N4BP1: variants seen among roughly 807,000 people sequenced by gnomAD.
The protein encoded by N4BP1 is NEDD4-binding protein 1.
A neutral mutation model predicts 70.9 loss-of-function variants in N4BP1; 21 were observed. The ratio of observed to expected loss-of-function variants is 0.30; its 90% CI spans 0.21 to 0.43. The LOEUF is 0.43. Among genes scored for constraint, N4BP1 ranks in the 20% least tolerant of loss-of-function variants. The pLI is 1.00. For missense variants in N4BP1, 936 were observed against 1,069.4 expected (o/e 0.88, Z 1.74); for synonymous variants, 387 against 394.6 (o/e 0.98, Z 0.23).
intron 1 of N4BP1, among the ~76,000 whole-genome samples, chr16:48,606,165 C>A (rs902983991): frequency 3.9e-5 from 6 of 152,144 alleles, no homozygotes; most frequent in African/African-American, 1.2e-4. Context: ...GTGGCCCCAC[C>A]AGTCAATAGG....
chr16:48,565,806 T>C (rs755998267), intron 1 of N4BP1, among the ~76,000 whole-genome samples: 27 of 152,348 alleles, frequency 1.8e-4, no homozygotes, highest in Non-Finnish European at 3.1e-4. Context: ...ATTTCCTTAA[T>C]AGACAATTTT....
At chr16:48,550,479 C>T (rs1273427424) in intron 4 of N4BP1, among the ~76,000 whole-genome samples, 1 of 152,084 alleles carries the variant, frequency 6.6e-6, no homozygotes, top group Non-Finnish European at 1.5e-5. Context: ...TGTACCATTG[C>T]ACTCCAGCCT....
In N4BP1 at chr16:48,543,341, G is replaced by A. The variant is rs562468140; in HGVS notation, c.2334-80C>T. The A allele has an allele frequency of 4.0e-5, 48 of 1,214,932 alleles. No homozygotes were observed. The South Asian group carries it at 6.2e-4, about 16-fold the overall frequency. 75.3% of individuals were successfully genotyped at this position (1,214,932 alleles called of 1,614,324 possible). ...AGAGCTATTTTAGAAGGTACCTGCG[G>A]CAGGCCTTGAGGCTCAGGATGCCGC... On this transcript the variant is annotated intron_variant, in intron 6 of 6. Coordinates refer to ENST00000262384, the MANE Select transcript of N4BP1 (RefSeq NM_153029.4).
At chr16:48,545,941 C>T (rs28593068) in intron 6 of N4BP1, among the ~76,000 whole-genome samples, 2,319 of 151,520 alleles carry the variant, frequency 0.015, 46 homozygotes, top group African/African-American at 0.052. Flanking sequence ...GTGGGAGGAT[C>T]GCTGAAGCCC....
At chr16:48,550,941 A>G (rs984854747) in intron 4 of N4BP1, among the ~76,000 whole-genome samples, 12 of 152,090 alleles carry the variant, frequency 7.9e-5, no homozygotes, top group Admixed American at 7.2e-4. Context: ...AAAGAAAGAA[A>G]AGAAATGCAG....
chr16:48,564,289 A>G (rs1179063094), intron 1 of N4BP1, among the ~76,000 whole-genome samples: 1 of 152,188 alleles, frequency 6.6e-6, no homozygotes, highest in Non-Finnish European at 1.5e-5. Context: ...GACCTCTCCA[A>G]TGTTATCGTC....
chr16:48,590,509 A>G (rs1597109466), intron 1 of N4BP1, among the ~76,000 whole-genome samples: 1 of 152,160 alleles, frequency 6.6e-6, no homozygotes, highest in South Asian at 2.1e-4. Flanking sequence ...AGGCTTGTCC[A>G]GGATTGCTCT....
At chr16:48,602,334 T>C (rs1180686020) in intron 1 of N4BP1, among the ~76,000 whole-genome samples, 1 of 152,236 alleles carries the variant, frequency 6.6e-6, no homozygotes, top group Non-Finnish European at 1.5e-5. Context: ...AATTTTGTTC[T>C]TGAAACTCAA....
At position 48,560,962 on chromosome 16, in the gene N4BP1, G is replaced by A; in HGVS notation, c.1681C>T (p.Leu561Phe). The A allele has an allele frequency of 1.2e-6, 2 of 1,614,028 alleles. No homozygotes were observed. Among genetic ancestry groups the A allele is most frequent in the Non-Finnish European group, 1.7e-6 (2 of 1,179,890 alleles). Residue 561 changes from leucine (L) to phenylalanine (F), a missense_variant, in exon 2 of 7, where the codon CTT (leucine) becomes TTT (phenylalanine). Coordinates refer to ENST00000262384, the MANE Select transcript of N4BP1 (RefSeq NM_153029.4). Reference protein sequence around the residue: ...SPHSKPNCSTLSPPMPLPQLL... With the variant: ...SPHSKPNCSTFSPPMPLPQLL... ...TGGGGCAGTGGCATTGGTGGAGAAA[G>A]GGTTGAGCAATTTGGCTTAGAATGA...
chr16:48,577,039 A>T (rs1053441026), intron 1 of N4BP1, among the ~76,000 whole-genome samples: 1 of 152,204 alleles, frequency 6.6e-6, no homozygotes. Flanking sequence ...GCTATGATTA[A>T]AGGTGTAAGC....
chr16:48,606,212 A>G (rs1964580270), intron 1 of N4BP1, among the ~76,000 whole-genome samples: 1 of 152,146 alleles, frequency 6.6e-6, no homozygotes. Flanking sequence ...CACCTGGCTT[A>G]AAACCGACCC....
intron 6 of N4BP1, among the ~76,000 whole-genome samples, chr16:48,545,773 C>T (rs1381287315): frequency 6.6e-6 from 1 of 151,980 alleles, no homozygotes. Flanking sequence ...TGCCTATAAT[C>T]CCAACACTTT....
At chr16:48,595,456 C>CAAAAAAAAA (rs373163833) in intron 1 of N4BP1, among the ~76,000 whole-genome samples, 64 of 57,338 alleles carry the variant, frequency 1.1e-3, no homozygotes, top group Non-Finnish European at 1.5e-3. Flanking sequence ...GACTCTGTCT[C>CAAAAAAAAA]AAAAAAAAAA....
intron 1 of N4BP1, among the ~76,000 whole-genome samples, chr16:48,591,060 T>A (rs1964330076): frequency 6.6e-6 from 1 of 152,202 alleles, no homozygotes; most frequent in Non-Finnish European, 1.5e-5. Flanking sequence ...ATGGTGGGGA[T>A]CTCTGAAGGA....
At chr16:48,546,312 G>GT (rs1470696819) in intron 5 of N4BP1, 58 bp from the exon 6 acceptor site, 3 of 1,254,288 alleles carry the variant, frequency 2.4e-6, no homozygotes, top group East Asian at 2.6e-5. Context: ...CAGGGCCTGC[G>GT]TAAGGATCCC....
intron 1 of N4BP1, among the ~76,000 whole-genome samples, chr16:48,597,348 G>C (rs1964429666): frequency 1.3e-5 from 2 of 152,024 alleles, no homozygotes; most frequent in African/African-American, 4.8e-5. Context: ...GTCCTCACAG[G>C]GTTAACAAGA....
At chr16:48,547,666 T>C (rs1041804674) in intron 5 of N4BP1, among the ~76,000 whole-genome samples, 4 of 152,214 alleles carry the variant, frequency 2.6e-5, no homozygotes, top group Non-Finnish European at 4.4e-5. Flanking sequence ...CCCTTTCACT[T>C]CACAGCTGAG....
In N4BP1 at chr16:48,571,270, CAACCA is replaced by C. The variant is rs1280619861; in HGVS notation, c.199-8831_199-8827del. 2.4e-4 allele frequency among the ~76,000 whole-genome samples: 36 copies of C among 152,310 alleles called. No individual in the cohort carries two copies. In the South Asian group the frequency reaches 6.8e-3, roughly 29 times the overall value. ...TATCTCCTCCGTGGGCCACCAGCAACAACCAGCCAAGCTGAAGAGGAGAGATTTAT... is the reference window on the plus strand; with the variant it reads ...TATCTCCTCCGTGGGCCACCAGCAACGCCAAGCTGAAGAGGAGAGATTTAT... On this transcript the variant is annotated intron_variant, in intron 1 of 6. Coordinates refer to ENST00000262384, the MANE Select transcript of N4BP1 (RefSeq NM_153029.4).
At chr16:48,546,396 C>T (rs1237143820) in intron 5 of N4BP1, 142 bp from the exon 6 acceptor site, 12 of 466,132 alleles carry the variant, frequency 2.6e-5, no homozygotes, top group East Asian at 1.3e-4. Context: ...TGCCTAAAAG[C>T]GGGGAAAACA....
Sources: allele counts gnomAD v4.1 joint callset (sites outside exome capture counted in the v4.1 genomes callset), GRCh38; gene constraint gnomAD v4.1.1; transcripts MANE v1.5; gene names NCBI Gene and HGNC (gene_info 2026-07-23, HGNC 2026-07-21).